Variants in ODAD2 observed in about 807,000 individuals in gnomAD.
ODAD2 encodes outer dynein arm-docking complex subunit 2.
In ODAD2, 89 loss-of-function variants were observed where a neutral mutation model predicts 106.8. That is an observed-to-expected ratio of 0.83 (90% confidence interval 0.70 to 0.99). The LOEUF is 0.99. Ranked by LOEUF, ODAD2 falls within the 50% of genes least tolerant of loss-of-function variation. The pLI, the probability that ODAD2 is intolerant of heterozygous loss-of-function variation, is 0.00. For synonymous variants in ODAD2, 404 were observed against 436.2 expected, an observed-to-expected ratio of 0.93 and a Z score of 0.92; for missense variants, 1,168 against 1,238.5, an observed-to-expected ratio of 0.94 and a Z score of 0.85.
At chr10:27,983,621 C>T (rs919225912) in intron 6 of ODAD2, among the ~76,000 whole-genome samples, 1 of 152,138 alleles carries the variant, frequency 6.6e-6, no homozygotes, top group Admixed American at 6.5e-5. Context: ...CACTTTGAAG[C>T]CCATTTCTTA....
intron 17 of ODAD2, among the ~76,000 whole-genome samples, chr10:27,865,569 A>G (rs1840378941): frequency 6.6e-6 from 1 of 152,210 alleles, no homozygotes; most frequent in Non-Finnish European, 1.5e-5. Context: ...ATCACTGCAC[A>G]TAGTTGTGGT....
At chr10:27,954,227 T>G (rs1329216719) in intron 10 of ODAD2, among the ~76,000 whole-genome samples, 1 of 152,106 alleles carries the variant, frequency 6.6e-6, no homozygotes, top group Non-Finnish European at 1.5e-5. Flanking sequence ...TTATCGAAAC[T>G]GGGAACCAGC....
intron 19 of ODAD2, among the ~76,000 whole-genome samples, chr10:27,821,159 G>A (rs1173379977): frequency 6.6e-6 from 1 of 152,138 alleles, no homozygotes; most frequent in African/African-American, 2.4e-5. Flanking sequence ...ACTTAGCTAA[G>A]TACAGTCTCA....
At chr10:27,983,366 G>A (rs1849677525) in intron 6 of ODAD2, among the ~76,000 whole-genome samples, 1 of 152,220 alleles carries the variant, frequency 6.6e-6, no homozygotes. Context: ...GTGGGGACCA[G>A]CACAGCCTGG....
intron 19 of ODAD2, among the ~76,000 whole-genome samples, chr10:27,834,496 A>G (rs1589781194): frequency 1.3e-5 from 2 of 152,130 alleles, no homozygotes; most frequent in South Asian, 4.2e-4. Flanking sequence ...GCTGAGAAGC[A>G]TCTTCTCTGG....
At chr10:27,974,712 T>C (rs1772593785) in intron 7 of ODAD2, among the ~76,000 whole-genome samples, 1 of 147,460 alleles carries the variant, frequency 6.8e-6, no homozygotes, top group Non-Finnish European at 1.5e-5. Context: ...TTGCTTAGGA[T>C]TGCCTTGGCT....
chr10:27,907,173 C>T lies in ODAD2; in HGVS notation c.2610+490G>A, dbSNP rs567431014. Among the ~76,000 whole-genome samples the T allele has an allele frequency of 5.9e-5, 9 of 152,234 alleles. No homozygotes were observed. The South Asian group carries it at 1.9e-3, about 32-fold the overall frequency. ...CAAGGGCTAAAATCGATTTCAGAAA[C>T]TTCTGGTCTCCTGTTTTTAGTGACA... On this transcript the variant is annotated intron_variant, in intron 17 of 19. Transcript: ENST00000305242.
chr10:27,881,540 G>A (rs1332387608), intron 17 of ODAD2, among the ~76,000 whole-genome samples: 2 of 151,978 alleles, frequency 1.3e-5, no homozygotes, highest in Admixed American at 6.6e-5. Context: ...GGGAGGCTGA[G>A]GTGAGAGGAT....
At chr10:27,868,535 C>T (rs1840620182) in intron 17 of ODAD2, among the ~76,000 whole-genome samples, 2 of 152,164 alleles carry the variant, frequency 1.3e-5, no homozygotes, top group African/African-American at 4.8e-5. Flanking sequence ...TTTGCAGGGA[C>T]ATGGATGAAG....
intron 19 of ODAD2, among the ~76,000 whole-genome samples, chr10:27,823,781 T>C (rs1471487732): frequency 6.6e-6 from 1 of 152,212 alleles, no homozygotes; most frequent in East Asian, 1.9e-4. Flanking sequence ...ATAAGGTTCA[T>C]GGTGTCCCGT....
chr10:27,821,541 G>A (rs1460532540), intron 19 of ODAD2, among the ~76,000 whole-genome samples: 21 of 152,144 alleles, frequency 1.4e-4, no homozygotes. Context: ...TTTAAAACTA[G>A]CAAATACTCG....
At chr10:27,969,054 C>T (rs1414468184) in intron 8 of ODAD2, 36 bp from the exon 9 acceptor site, 3 of 591,842 alleles carry the variant, frequency 5.1e-6, no homozygotes, top group Non-Finnish European at 9.2e-6. Context: ...AGCTTTATTG[C>T]TTTATGCTAA....
intron 12 of ODAD2, among the ~76,000 whole-genome samples, chr10:27,941,200 C>G (rs930709536): frequency 1.3e-5 from 2 of 152,074 alleles, no homozygotes; most frequent in African/African-American, 4.8e-5. Flanking sequence ...GCCACAAGAC[C>G]TGTCCAGGAA....
intron 19 of ODAD2, among the ~76,000 whole-genome samples, chr10:27,824,193 T>A (rs2132905950): frequency 6.6e-6 from 1 of 151,326 alleles, no homozygotes; most frequent in Non-Finnish European, 1.5e-5. Context: ...TTATTCAAAT[T>A]ACTGTTTTCT....
At chr10:27,907,799 T>C (rs779882822) in intron 16 of ODAD2, 22 bp from the exon 17 acceptor site, 3 of 1,442,614 alleles carry the variant, frequency 2.1e-6, no homozygotes, top group Non-Finnish European at 2.9e-6. Flanking sequence ...CCCAAAATCA[T>C]GATATAAACT....
intron 17 of ODAD2, among the ~76,000 whole-genome samples, chr10:27,906,871 G>A (rs548688597): frequency 3.3e-5 from 5 of 152,206 alleles, no homozygotes; most frequent in African/African-American, 7.2e-5. Context: ...CAGGGGGTGC[G>A]GGACTAGGGG....
At chr10:27,964,344 T>A (rs545383361) in intron 9 of ODAD2, among the ~76,000 whole-genome samples, 1 of 152,318 alleles carries the variant, frequency 6.6e-6, no homozygotes, top group South Asian at 2.1e-4. Context: ...TCTTTTAACT[T>A]ACGTGTGCCT....
At chr10:27,858,952 T>C (rs931546852) in intron 19 of ODAD2, among the ~76,000 whole-genome samples, 2 of 152,056 alleles carry the variant, frequency 1.3e-5, no homozygotes, top group Admixed American at 1.3e-4. Flanking sequence ...TACAGGTGCA[T>C]GCCTATACAT....
At chr10:27,990,573 T>C (rs1850167327) in intron 2 of ODAD2, among the ~76,000 whole-genome samples, 1 of 152,222 alleles carries the variant, frequency 6.6e-6, no homozygotes, top group Admixed American at 6.5e-5. Flanking sequence ...GGACAAAAAA[T>C]AAATAGCTCA....
Sources: allele counts gnomAD v4.1 joint callset (sites outside exome capture counted in the v4.1 genomes callset), GRCh38; gene constraint gnomAD v4.1.1; transcripts MANE v1.5; gene names NCBI Gene and HGNC (gene_info 2026-07-23, HGNC 2026-07-21).